Variants in CALN1 observed in about 807,000 individuals in gnomAD.
CALN1 encodes calneuron 1.
CALN1 carries 17 observed loss-of-function variants against 30.6 expected under a neutral mutation model. The observed-to-expected ratio is 0.56, with a 90% CI of 0.38 to 0.83. CALN1 has a LOEUF of 0.83. CALN1 is among the 40% of genes least tolerant of loss of function. The probability of loss-of-function intolerance (pLI) is 0.00; values close to 1 mark genes in which losing one functional copy is unlikely to be tolerated. For synonymous variants in CALN1, 156 were observed against 131.4 expected (o/e 1.19, Z -1.28); for missense variants, 291 against 354.9 (o/e 0.82, Z 1.45).
chr7:72,118,200 T>A (rs1407120817), intron 3 of CALN1, among the ~76,000 whole-genome samples: 4 of 152,194 alleles, frequency 2.6e-5, no homozygotes, highest in Admixed American at 2.0e-4. Flanking sequence ...CTATCATTCT[T>A]AAAGAAGGGC....
intron 5 of CALN1, among the ~76,000 whole-genome samples, chr7:71,869,410 C>T (rs1405562473): frequency 6.6e-6 from 1 of 152,110 alleles, no homozygotes; most frequent in Non-Finnish European, 1.5e-5. Context: ...CGGTGTTTCA[C>T]CATATTAGCC....
At chr7:72,192,856 A>G (rs1790721122) in intron 3 of CALN1, among the ~76,000 whole-genome samples, 1 of 124,934 alleles carries the variant, frequency 8.0e-6, no homozygotes, top group Non-Finnish European at 1.6e-5. Context: ...TCCTGTGTCC[A>G]TGTTAGGGAA....
intron 3 of CALN1, among the ~76,000 whole-genome samples, chr7:72,249,620 G>A (rs983040297): frequency 5.3e-5 from 8 of 152,108 alleles, no homozygotes; most frequent in Non-Finnish European, 1.0e-4. Flanking sequence ...CTGCCAACAT[G>A]GCAAAACCCT....
At chr7:72,027,720 CAA>C (rs1295814922) in intron 4 of CALN1, among the ~76,000 whole-genome samples, 29 of 92,194 alleles carry the variant, frequency 3.1e-4, no homozygotes, top group African/African-American at 2.1e-3. Flanking sequence ...TCAAAACAAA[CAA>C]ACAAACACAC....
chr7:72,449,699 C>T (rs552573679), upstream of CALN1, among the ~76,000 whole-genome samples: 194 of 151,794 alleles, frequency 1.3e-3, no homozygotes, highest in African/African-American at 3.2e-3. Flanking sequence ...GGTGAAACCC[C>T]GTCTCTACTA....
In CALN1 at chr7:72,183,053, T is replaced by G. The variant is rs1021142310; in HGVS notation, c.245-76759A>C. ...TCTATGGGGCTTTTTTGTTTGTTTT[T>G]GGGGTGTTTGTTGTTTGTCTGTTTG... is the stretch of plus-strand genomic sequence containing the variant. On this transcript the variant is annotated intron_variant, in intron 3 of 6. Transcript: ENST00000395275. Among the ~76,000 whole-genome samples the G allele has an allele frequency of 7.9e-5, 12 of 152,234 alleles. No individual in the cohort carries two copies. In the East Asian group the frequency reaches 1.7e-3, roughly 22 times the overall value.
chr7:71,977,800 C>T (rs1054963837), intron 5 of CALN1, among the ~76,000 whole-genome samples: 1 of 151,772 alleles, frequency 6.6e-6, no homozygotes, highest in Admixed American at 6.6e-5. Flanking sequence ...TGCATGGTGG[C>T]GGGCGACTGT....
intron 2 of CALN1, among the ~76,000 whole-genome samples, chr7:72,351,543 C>A (rs575057627): frequency 1.3e-5 from 2 of 152,130 alleles, no homozygotes; most frequent in South Asian, 2.1e-4. Context: ...AAAACATGTA[C>A]GACAGCTACA....
chr7:72,010,066 T>TA (rs1799985548), intron 5 of CALN1, among the ~76,000 whole-genome samples: 2 of 152,332 alleles, frequency 1.3e-5, no homozygotes, highest in Non-Finnish European at 1.5e-5. Flanking sequence ...CTGCAATTTG[T>TA]AGACAAAGTC....
chr7:72,358,801 T>A (rs1803391212), intron 2 of CALN1, among the ~76,000 whole-genome samples: 1 of 151,826 alleles, frequency 6.6e-6, no homozygotes, highest in Non-Finnish European at 1.5e-5. Flanking sequence ...ATACAAAAAT[T>A]AGCTGGGCAT....
intron 4 of CALN1, among the ~76,000 whole-genome samples, chr7:72,044,598 A>ATTTTTT (rs1563005478): frequency 2.3e-4 from 26 of 114,430 alleles, no homozygotes; most frequent in African/African-American, 8.7e-4. Flanking sequence ...TCCGCTTAAA[A>ATTTTTT]CTTTTTTTTT....
At chr7:72,346,320 C>A (rs1802637711) in intron 2 of CALN1, among the ~76,000 whole-genome samples, 1 of 152,070 alleles carries the variant, frequency 6.6e-6, no homozygotes. Flanking sequence ...TAGTCAGTTA[C>A]CTCTTTGGAT....
the CALN1 span, among the ~76,000 whole-genome samples, chr7:72,475,080 G>A: frequency 6.6e-6 from 1 of 152,164 alleles, no homozygotes; most frequent in Non-Finnish European, 1.5e-5. Flanking sequence ...CATGCACCGG[G>A]CTTTGTCCTG....
chr7:71,789,008 G>A (rs1297059808), intron 6 of CALN1, among the ~76,000 whole-genome samples: 1 of 152,044 alleles, frequency 6.6e-6, no homozygotes, highest in Non-Finnish European at 1.5e-5. Context: ...TTGCTATGTT[G>A]CCCAGTATAA....
At chr7:72,145,294 C>T (rs1049791466) in intron 3 of CALN1, among the ~76,000 whole-genome samples, 6 of 152,060 alleles carry the variant, frequency 3.9e-5, no homozygotes, top group Non-Finnish European at 8.8e-5. Flanking sequence ...GGGATATCAC[C>T]ACCGATCCCA....
intron 4 of CALN1, among the ~76,000 whole-genome samples, chr7:72,073,080 A>C (rs771030126): frequency 2.6e-5 from 4 of 152,188 alleles, no homozygotes; most frequent in Non-Finnish European, 5.9e-5. Context: ...AAAGGAAGGA[A>C]ATTCTGACAT....
chr7:72,372,927 T>C (rs985421653), intron 2 of CALN1, among the ~76,000 whole-genome samples: 1 of 152,020 alleles, frequency 6.6e-6, no homozygotes, highest in Non-Finnish European at 1.5e-5. Flanking sequence ...GATGCCAAAA[T>C]GACATGGATG....
At position 72,152,513 on chromosome 7, in the gene CALN1, G is replaced by A. The variant is rs1787330524; in HGVS notation, c.245-46219C>T. On this transcript the variant is annotated intron_variant, in intron 3 of 6. Coordinates refer to ENST00000395275, the MANE Select transcript of CALN1 (RefSeq NM_031468.4). ...ATTAGCATCTGATGACTAGTGACCA[G>A]TTTGATACAACCTATCTACCTGCCA... is the stretch of plus-strand genomic sequence containing the variant. Among the ~76,000 whole-genome samples, 3 of 152,154 alleles carry A rather than the reference G, an allele frequency of 2.0e-5. No individual in the cohort carries two copies. The South Asian group carries it at 6.2e-4, about 32-fold the overall frequency.
intron 6 of CALN1, among the ~76,000 whole-genome samples, chr7:71,794,824 C>T (rs368162671): frequency 6.8e-6 from 1 of 146,680 alleles, no homozygotes; most frequent in African/African-American, 2.6e-5. Flanking sequence ...GCTAGACTCA[C>T]CTTTCCCTTC....
Sources: allele counts gnomAD v4.1 joint callset (sites outside exome capture counted in the v4.1 genomes callset), GRCh38; gene constraint gnomAD v4.1.1; transcripts MANE v1.5; gene names NCBI Gene and HGNC (gene_info 2026-07-23, HGNC 2026-07-21).